HAUS5: variants seen among roughly 807,000 people sequenced by gnomAD.
HAUS5 encodes the protein HAUS augmin like complex subunit 5, also known as HAUS augmin-like complex subunit 5.
A neutral mutation model predicts 94.1 loss-of-function variants in HAUS5; 67 were observed. The ratio of observed to expected loss-of-function variants is 0.71; its 90% CI spans 0.58 to 0.87. The LOEUF is 0.87. HAUS5 is among the 40% of genes least tolerant of loss of function. The pLI is 0.00. For missense variants in HAUS5, 739 were observed against 825.6 expected (o/e 0.90, Z 1.29); for synonymous variants, 339 against 355.4 (o/e 0.95, Z 0.52).
At chr19:35,616,184 G>A (rs908985848) in intron 6 of HAUS5, among the ~76,000 whole-genome samples, 2 of 152,028 alleles carry the variant, frequency 1.3e-5, no homozygotes, top group African/African-American at 4.8e-5. Context: ...CGAGTGTGGT[G>A]GCACGTGCCT....
chr19:35,615,003 C>A, intron 4 of HAUS5, 39 bp from the exon 5 acceptor site: 1 of 1,477,338 alleles, frequency 6.8e-7, no homozygotes. Context: ...CAGGCTGAGC[C>A]CCGATCAGAC....
At position 35,620,324 on chromosome 19, in the gene HAUS5, C is replaced by T; in HGVS notation, c.1648C>T (p.Gln550Ter). 6.2e-7 allele frequency: 1 copy of T among 1,612,226 alleles called. No individual in the cohort carries two copies. Residue 550 changes from glutamine to a stop codon, truncating the protein, a stop_gained, in exon 17 of 19, where the codon CAG (glutamine) becomes TAG (stop). Transcript: ENST00000203166. LOFTEE classifies it high-confidence loss of function. Reference sequence around the variant, plus strand: ...CAGCCTGCCGCCAGGCCTTCCCACCCAGGGTAGGTCTGCCCTGCCACCCCA... The same window carrying T: ...CAGCCTGCCGCCAGGCCTTCCCACCTAGGGTAGGTCTGCCCTGCCACCCCA... ...KTSLPPGLPT[Q>*]ELLQIQASQE...
Position 35,618,050 on chromosome 19 carries a change from C to T in HAUS5, c.697-21C>T. On this transcript the variant is annotated intron_variant, in intron 9 of 18. Coordinates refer to ENST00000203166, the MANE Select transcript of HAUS5 (RefSeq NM_015302.2). ...CAGCCCTGCCCCGATCCTGCCCTGACTTCACCCTCCCTCCCCCTAGACGCT... is the reference window on the plus strand; with the variant it reads ...CAGCCCTGCCCCGATCCTGCCCTGATTTCACCCTCCCTCCCCCTAGACGCT... The T allele has an allele frequency of 5.1e-6, 8 of 1,582,598 alleles. No individual in the cohort carries two copies. In the South Asian group the frequency reaches 9.2e-5, roughly 18 times the overall value.
intron 13 of HAUS5, 149 bp downstream of exon 13, chr19:35,619,198 T>G: frequency 2.3e-6 from 2 of 863,316 alleles, no homozygotes; most frequent in Non-Finnish European, 3.5e-6. Context: ...AGCCCAGGAG[T>G]TCAAGGCTGA....
intron 17 of HAUS5, 130 bp downstream of exon 17, chr19:35,620,457 C>T: frequency 1.3e-6 from 1 of 789,558 alleles, no homozygotes. Flanking sequence ...AAACATTCTC[C>T]CTTGTTTCAT....
In HAUS5 at chr19:35,614,056, A is replaced by C; in HGVS notation, c.216A>C (p.Pro72=). ...NLLWYGHQDS[P]QVRRKLELEA... ...CTAGGTATGGCCACCAGGACAGTCCACAGGTGAGAAGCATATGCTACAAGA... is the reference window on the plus strand; with the variant it reads ...CTAGGTATGGCCACCAGGACAGTCCCCAGGTGAGAAGCATATGCTACAAGA... Residue 72 remains proline, a synonymous_variant, in exon 4 of 19, where the codon CCA becomes CCC. Transcript: ENST00000203166. 1 of 1,613,630 alleles carries C rather than the reference A, an allele frequency of 6.2e-7. No individual in the cohort carries two copies. Among genetic ancestry groups the C allele is most frequent in the Non-Finnish European group, 8.5e-7 (1 of 1,179,546 alleles).
intron 17 of HAUS5, among the ~76,000 whole-genome samples, chr19:35,620,586 G>A (rs532343168): frequency 6.6e-6 from 1 of 152,328 alleles, no homozygotes; most frequent in East Asian, 1.9e-4. Context: ...AATCCAGGTG[G>A]TCTGAAATGG....
intron 17 of HAUS5, 50 bp downstream of exon 17, chr19:35,620,377 C>T (rs1967191528): frequency 6.4e-7 from 1 of 1,569,846 alleles, no homozygotes; most frequent in Non-Finnish European, 8.7e-7. Flanking sequence ...TTCCCACTAC[C>T]AGCAGCCTCC....
rs376044773 is a variant in HAUS5 at position 35,619,742 on chromosome 19, C to T, written c.1390C>T (p.Arg464Trp). Residue 464 changes from arginine to tryptophan, a missense_variant, in exon 15 of 19, where the codon CGG (arginine) becomes TGG (tryptophan). Arg to Trp is a moderately radical substitution (Grantham distance 101). Coordinates refer to ENST00000203166, the MANE Select transcript of HAUS5 (RefSeq NM_015302.2). ...LPHILLGTLL[R>W]HRPGELKPLP... ...CCACATTCTGTTGGGCACGCTGCTG[C>T]GGCACAGGCCGGGAGAGTGAGACTG... 3.5e-5 allele frequency: 55 copies of T among 1,554,158 alleles called. No individual in the cohort carries two copies. The highest frequency in any genetic ancestry group is 2.0e-4 in the Middle Eastern group (1 of 5,002).
chr19:35,619,803 G>A (rs1404964067), intron 15 of HAUS5, 45 bp downstream of exon 15: 2 of 1,510,536 alleles, frequency 1.3e-6, no homozygotes, highest in Non-Finnish European at 1.8e-6. Context: ...CCCCTGCCAT[G>A]GGTGACTGTC....
rs866040130 is a variant in HAUS5, at chr19:35,617,318, C to T, written c.587C>T (p.Ala196Val). Residue 196 changes from alanine to valine, a missense_variant, in exon 8 of 19, where the codon GCC becomes GTC. Transcript: ENST00000203166. ...GTCCGAACAGCCTGCACCCTCCGGG[C>T]CCAGTTCCTGCAGAACCTCCTGCTT... ...RDVRTACTLR[A>V]QFLQNLLLPQ... 1 of 1,613,936 alleles carries T rather than the reference C, an allele frequency of 6.2e-7. No individual in the cohort carries two copies. The highest frequency in any genetic ancestry group is 1.3e-5 in the African/African-American group (1 of 75,046).
chr19:35,614,625 G>A (rs368288124), intron 4 of HAUS5, among the ~76,000 whole-genome samples: 2 of 152,100 alleles, frequency 1.3e-5, no homozygotes, highest in Non-Finnish European at 1.5e-5. Flanking sequence ...TTAGCTGGGC[G>A]CAGAGAGGTG....
rs762198611 is a variant in HAUS5 at position 35,617,101 on chromosome 19, C to T, written c.486-23C>T. On this transcript the variant is annotated intron_variant, in intron 6 of 18. Transcript: ENST00000203166. ...CATCTGTTCTCCCAGGGACCCCAGC[C>T]CCAGCTGCACTTCTCCCTCCAGGAA... The T allele has an allele frequency of 5.6e-6, 9 of 1,605,962 alleles. No homozygotes were observed. The South Asian group carries it at 9.9e-5, about 18-fold the overall frequency.
At chr19:35,617,974 G>A (rs1967126413) in intron 9 of HAUS5, 62 bp downstream of exon 9, 1 of 1,606,372 alleles carries the variant, frequency 6.2e-7, no homozygotes, top group Non-Finnish European at 8.5e-7. Context: ...AACTTAGGGT[G>A]CCAGGACCTA....
chr19:35,620,287 C>T lies in HAUS5; in HGVS notation c.1611C>T (p.Leu537=), dbSNP rs746696536. The T allele has an allele frequency of 1.9e-6, 3 of 1,613,554 alleles. No homozygotes were observed. The highest frequency in any genetic ancestry group is 2.5e-6 in the Non-Finnish European group (3 of 1,179,888). Residue 537 remains leucine, a synonymous_variant, in exon 17 of 19, where the codon CTC becomes CTT. Transcript: ENST00000203166. ...DQRSLWCWDL[L]HMKTSLPPGL... is the part of the protein sequence containing the mutation. ...GGAGCCTCTGGTGCTGGGATCTACT[C>T]CACATGAAGACCAGCCTGCCGCCAG...
At chr19:35,612,927 C>G in intron 1 of HAUS5, 35 bp downstream of exon 1, 9 of 1,388,526 alleles carry the variant, frequency 6.5e-6, no homozygotes, top group Non-Finnish European at 6.8e-6. Context: ...ACACCCCACC[C>G]TGGAGATTGA....
chr19:35,614,918 G>A, intron 4 of HAUS5, 124 bp from the exon 5 acceptor site: 1 of 653,082 alleles, frequency 1.5e-6, no homozygotes, highest in Non-Finnish European at 2.7e-6. Context: ...TAATGCTTCT[G>A]TGTCAGACAC....
Position 35,618,207 on chromosome 19 carries a change from G to T in HAUS5, c.821+12G>T. On this transcript the variant is annotated intron_variant, in intron 10 of 18. Transcript: ENST00000203166. Reference sequence around the variant, plus strand: ...ACAGAGATATCCAGGTGTGGGGCAGGGTATTCTCACAGTTGGGGAAGGCCA... The same window carrying T: ...ACAGAGATATCCAGGTGTGGGGCAGTGTATTCTCACAGTTGGGGAAGGCCA... 4 of 1,596,864 alleles carry T rather than the reference G, an allele frequency of 2.5e-6. No homozygotes were observed. The highest frequency in any genetic ancestry group is 3.4e-6 in the Non-Finnish European group (4 of 1,169,016).
In HAUS5 at chr19:35,622,866, C is replaced by A; in HGVS notation, c.1785-10C>A. 1.9e-6 allele frequency: 3 copies of A among 1,611,400 alleles called. No individual in the cohort carries two copies. The highest frequency in any genetic ancestry group is 1.1e-5 in the South Asian group (1 of 90,998). On this transcript the variant is annotated splice_polypyrimidine_tract_variant and intron_variant, in intron 18 of 18. Transcript: ENST00000203166. Reference sequence around the variant, plus strand: ...AGTCCTTTCCTCGTTGACGCCATGCCATTCCCCAGGTGGGAGCAGCCAGGC... The same window carrying A: ...AGTCCTTTCCTCGTTGACGCCATGCAATTCCCCAGGTGGGAGCAGCCAGGC...
Sources: gnomAD v4.1 joint callset for allele counts (sites outside exome capture counted in the v4.1 genomes callset) on GRCh38, gnomAD v4.1.1 for gene constraint, MANE v1.5 for transcripts, NCBI Gene and HGNC (gene_info 2026-07-23, HGNC 2026-07-21) for gene names.